Variants in MLIP observed in about 807,000 individuals in gnomAD.
The protein encoded by MLIP is muscular LMNA interacting protein, also known as muscular LMNA-interacting protein.
In MLIP, 79 loss-of-function variants were observed where a neutral mutation model predicts 84.8. The observed-to-expected ratio is 0.93, with a 90% CI of 0.78 to 1.12. MLIP has a LOEUF of 1.12. MLIP is among the 50% of genes most tolerant of loss of function. The probability of loss-of-function intolerance (pLI) is 0.00; values close to 1 mark genes in which losing one functional copy is unlikely to be tolerated. For synonymous variants in MLIP, 504 were observed against 463.0 expected (o/e 1.09, Z -1.14); for missense variants, 1,257 against 1,160.6 (o/e 1.08, Z -1.21).
intron 7 of MLIP, 59 bp downstream of exon 7, chr6:54,160,658 C>A (rs1214104049): frequency 6.6e-7 from 1 of 1,524,926 alleles, no homozygotes; most frequent in Non-Finnish European, 9.1e-7. Flanking sequence ...CTTCATTTTC[C>A]TCTACTTTAG....
At chr6:54,118,290 C>T (rs1770132302) in intron 1 of MLIP, among the ~76,000 whole-genome samples, 1 of 152,142 alleles carries the variant, frequency 6.6e-6, no homozygotes, top group Non-Finnish European at 1.5e-5. Flanking sequence ...CTATAGTAAC[C>T]AAAATAGCAT....
At chr6:54,117,899 C>T (rs573757807) in intron 1 of MLIP, among the ~76,000 whole-genome samples, 3 of 152,076 alleles carry the variant, frequency 2.0e-5, no homozygotes, top group East Asian at 3.9e-4. Context: ...GAGCCGAGAT[C>T]GTGCCACTGC....
At chr6:54,121,750 C>T (rs1770474487) in intron 2 of MLIP, 148 bp downstream of exon 2, 1 of 655,000 alleles carries the variant, frequency 1.5e-6, no homozygotes, top group Non-Finnish European at 2.5e-6. Flanking sequence ...GCAACAGAAG[C>T]ATAAATGTTA....
intron 5 of MLIP, among the ~76,000 whole-genome samples, chr6:54,153,655 C>T (rs1033421199): frequency 6.6e-6 from 1 of 151,794 alleles, no homozygotes; most frequent in African/African-American, 2.4e-5. Context: ...CGAGACCAGC[C>T]TGGCCAACAT....
chr6:54,036,929 G>A (rs770887162), intron 1 of MLIP, among the ~76,000 whole-genome samples: 4 of 152,032 alleles, frequency 2.6e-5, no homozygotes, highest in Non-Finnish European at 5.9e-5. Flanking sequence ...TAACTGGGGT[G>A]TTGGGATTAG....
intron 1 of MLIP, among the ~76,000 whole-genome samples, chr6:54,044,459 A>C (rs1021969483): frequency 1.3e-5 from 2 of 152,198 alleles, no homozygotes; most frequent in South Asian, 2.1e-4. Context: ...AATACTACTT[A>C]AAACATACTC....
At chr6:54,192,086 A>G (rs1354015113) in intron 10 of MLIP, among the ~76,000 whole-genome samples, 3 of 151,896 alleles carry the variant, frequency 2.0e-5, no homozygotes, top group African/African-American at 7.2e-5. Flanking sequence ...TTTGCCCAAT[A>G]AAATAATCCT....
chr6:54,217,935 T>C, intron 11 of MLIP: 2 of 985,368 alleles, frequency 2.0e-6, no homozygotes, highest in Non-Finnish European at 2.4e-6. Context: ...CTCAAGATAA[T>C]TCGCTGGGGT....
At position 54,137,194 on chromosome 6, in the gene MLIP, G is replaced by A. The variant is rs918317474; in HGVS notation, c.1125G>A (p.Pro375=). Residue 375 remains proline, a synonymous_variant, in exon 4 of 14, where the codon CCG becomes CCA. Coordinates refer to ENST00000502396, the MANE Select transcript of MLIP (RefSeq NM_001281747.2). The part of the protein sequence containing the change: ...PVRIVTHSLS[P]SPKPFTSSFH... The stretch of plus-strand genomic sequence containing the variant: ...GCATTGTCACGCATTCACTCTCTCC[G>A]AGCCCCAAACCATTTACCTCCTCTT... 1.8e-5 allele frequency: 27 copies of A among 1,535,734 alleles called. No individual in the cohort carries two copies. Among genetic ancestry groups the A allele is most frequent in the East Asian group, 2.4e-5 (1 of 40,900 alleles).
At chr6:54,227,061 T>G (rs1005255505) in intron 11 of MLIP, among the ~76,000 whole-genome samples, 2 of 152,136 alleles carry the variant, frequency 1.3e-5, no homozygotes, top group Admixed American at 6.5e-5. Context: ...ATTTCCCTCT[T>G]GCTGTTGTCA....
chr6:54,128,380 G>A (rs1411241711), intron 3 of MLIP, among the ~76,000 whole-genome samples: 1 of 152,050 alleles, frequency 6.6e-6, no homozygotes, highest in Non-Finnish European at 1.5e-5. Context: ...AAACAGAAAA[G>A]TATAAAAGCA....
At chr6:54,140,701 T>TGC (rs1440153515) in intron 4 of MLIP, among the ~76,000 whole-genome samples, 1 of 152,190 alleles carries the variant, frequency 6.6e-6, no homozygotes, top group African/African-American at 2.4e-5. Flanking sequence ...TATTACAATC[T>TGC]ATTATTTTCA....
At chr6:54,086,212 ATATCTT>A (rs778120376) in intron 1 of MLIP, among the ~76,000 whole-genome samples, 2 of 151,990 alleles carry the variant, frequency 1.3e-5, no homozygotes, top group Non-Finnish European at 1.5e-5. Context: ...CATGCTCTCT[ATATCTT>A]TATAACTTCC....
intron 10 of MLIP, among the ~76,000 whole-genome samples, chr6:54,194,706 A>G (rs57766663): frequency 0.016 from 2,380 of 151,750 alleles, 66 homozygotes; most frequent in African/African-American, 0.052. Context: ...TTTGTCATGC[A>G]TATTATCTCA....
intron 11 of MLIP, chr6:54,215,419 AT>A: frequency 1.1e-5 from 14 of 1,229,642 alleles, no homozygotes; most frequent in Non-Finnish European, 1.4e-5. Flanking sequence ...AGTATTTGTG[AT>A]TTTTTTAAAA....
chr6:54,021,412 G>C (rs550652262), intron 1 of MLIP, among the ~76,000 whole-genome samples: 1 of 152,050 alleles, frequency 6.6e-6, no homozygotes, highest in African/African-American at 2.4e-5. Flanking sequence ...TATGTGTCAC[G>C]CACTTAAGCA....
intron 1 of MLIP, among the ~76,000 whole-genome samples, chr6:54,071,498 A>C (rs184098363): frequency 2.3e-4 from 35 of 152,272 alleles, no homozygotes; most frequent in African/African-American, 8.4e-4. Context: ...AGTGGATTTT[A>C]GTTTTAGAAA....
intron 1 of MLIP, among the ~76,000 whole-genome samples, chr6:54,086,462 A>T (rs899804547): frequency 6.6e-6 from 1 of 151,240 alleles, no homozygotes. Flanking sequence ...CTGCAAGGAA[A>T]CCTCCTTCAT....
intron 5 of MLIP, among the ~76,000 whole-genome samples, chr6:54,158,472 C>T (rs777033347): frequency 2.1e-4 from 32 of 151,984 alleles, no homozygotes; most frequent in Non-Finnish European, 3.4e-4. Context: ...TCTTCAGAAC[C>T]CATGGCATAT....
Sources: gnomAD v4.1 joint callset for allele counts (sites outside exome capture counted in the v4.1 genomes callset) on GRCh38, gnomAD v4.1.1 for gene constraint, MANE v1.5 for transcripts, NCBI Gene and HGNC (gene_info 2026-07-23, HGNC 2026-07-21) for gene names.